The following CNNM2 variants were observed in gnomAD, a reference collection of about 807,000 sequenced individuals.
The protein encoded by CNNM2 is metal transporter CNNM2.
CNNM2 carries 12 observed loss-of-function variants against 66.9 expected under a neutral mutation model. That is an observed-to-expected ratio of 0.18 (90% CI 0.11 to 0.29). The LOEUF (loss-of-function observed/expected upper bound fraction) is 0.29, where lower values mean the gene tolerates loss of function less well. Ranked by LOEUF, CNNM2 falls within the 10% of genes least tolerant of loss-of-function variation. The pLI, the probability that CNNM2 is intolerant of heterozygous loss-of-function variation, is 1.00. For synonymous variants in CNNM2, 557 were observed against 501.8 expected, an observed-to-expected ratio of 1.11 and a Z score of -1.47; for missense variants, 705 against 1,167.7, an observed-to-expected ratio of 0.60 and a Z score of 5.77.
intron 1 of CNNM2, among the ~76,000 whole-genome samples, chr10:102,974,982 G>T (rs890904613): frequency 6.6e-6 from 1 of 152,194 alleles, no homozygotes; most frequent in Admixed American, 6.5e-5. Flanking sequence ...GGCATGGGAA[G>T]CCCATAATTA....
chr10:102,937,418 T>A (rs559224133), intron 1 of CNNM2, among the ~76,000 whole-genome samples: 2 of 152,348 alleles, frequency 1.3e-5, no homozygotes, highest in South Asian at 4.1e-4. Flanking sequence ...CAACTAGATC[T>A]GTACTTTTAA....
Position 102,918,729 on chromosome 10 carries a change from C to T in CNNM2, c.249C>T (p.Asn83=). ...VIIGLRLEDT[N]DVSFMEGGAL... is the part of the protein sequence containing the mutation. ...TCGGGCTGCGACTGGAGGACACGAA[C>T]GACGTGTCGTTCATGGAAGGGGGGG... is the stretch of plus-strand genomic sequence containing the variant. Residue 83 remains asparagine (N), a synonymous_variant, in exon 1 of 8, where the codon AAC becomes AAT. Transcript: ENST00000369878. The surrounding 1 kb of genome is among the most constrained non-coding windows in gnomAD (Gnocchi z 4.1). 1.9e-6 allele frequency: 3 copies of T among 1,577,950 alleles called. No individual in the cohort carries two copies. The highest frequency in any genetic ancestry group is 1.7e-6 in the Non-Finnish European group (2 of 1,162,758).
intron 6 of CNNM2, among the ~76,000 whole-genome samples, chr10:103,073,162 C>T (rs1423414899): frequency 6.6e-6 from 1 of 152,184 alleles, no homozygotes; most frequent in Non-Finnish European, 1.5e-5. Flanking sequence ...GGCCATGGGG[C>T]CAGGCATCAG....
At chr10:103,027,948 A>G (rs1286528482) in intron 1 of CNNM2, among the ~76,000 whole-genome samples, 1 of 151,402 alleles carries the variant, frequency 6.6e-6, no homozygotes, top group African/African-American at 2.4e-5. Flanking sequence ...TCAGTCACAC[A>G]GGTAGTATGT....
In CNNM2 at chr10:103,081,384, A is replaced by G. The variant is rs956818219; in HGVS notation, c.*4204A>G. 8.5e-5 allele frequency: 13 copies of G among 152,164 alleles called. No homozygotes were observed. Among genetic ancestry groups the G allele is most frequent in the Admixed American group, 7.2e-4 (11 of 15,272 alleles). The allele number at this position is 152,164 out of a possible 1,614,324, so 9.4% of individuals were successfully genotyped here. ...AGGCTAGTGGTGCTTCTGTCCATCA[A>G]GGGTATCTGGGTGAGTTGTAGGTTA... On this transcript the variant is annotated 3_prime_UTR_variant, in exon 8 of 8. Coordinates refer to ENST00000369878, the MANE Select transcript of CNNM2 (RefSeq NM_017649.5).
Position 103,077,355 on chromosome 10 carries a change from A to T in CNNM2, c.*175A>T. 1.7e-6 allele frequency: 1 copy of T among 591,942 alleles called. No individual in the cohort carries two copies. 36.7% of individuals were successfully genotyped at this position (591,942 alleles called of 1,614,324 possible). On this transcript the variant is annotated 3_prime_UTR_variant, in exon 8 of 8. Transcript: ENST00000369878. ...CGCGGAGGAGGACAGTGAGGGAGGA[A>T]TGGAAACGAGAGATGTGAAGTTGGC... is the stretch of plus-strand genomic sequence containing the variant.
At chr10:102,934,196 A>T (rs183448132) in intron 1 of CNNM2, among the ~76,000 whole-genome samples, 32 of 152,064 alleles carry the variant, frequency 2.1e-4, no homozygotes, top group South Asian at 1.7e-3. Context: ...AATAGGTTGT[A>T]TAAAATGTCA....
chr10:103,003,833 A>G (rs535972109), intron 1 of CNNM2, among the ~76,000 whole-genome samples: 1 of 152,066 alleles, frequency 6.6e-6, no homozygotes, highest in Non-Finnish European at 1.5e-5. Context: ...CTGTCCTGAC[A>G]TTAACATCAA....
Position 103,077,898 on chromosome 10 carries a change from C to A in CNNM2, c.*718C>A, listed in dbSNP as rs1169332125. 2.0e-5 allele frequency: 3 copies of A among 152,618 alleles called. No individual in the cohort carries two copies. Among genetic ancestry groups the A allele is most frequent in the Non-Finnish European group, 4.4e-5 (3 of 68,032 alleles). The allele number at this position is 152,618 out of a possible 1,614,324, so 9.5% of individuals were successfully genotyped here. A position where few individuals can be genotyped will look rare whatever the true frequency, so the allele number is the denominator to read the frequency against. On this transcript the variant is annotated 3_prime_UTR_variant, in exon 8 of 8. Coordinates refer to ENST00000369878, the MANE Select transcript of CNNM2 (RefSeq NM_017649.5). Reference sequence around the variant, plus strand: ...TTGCTTGGGAATGTGATTTTGCTCCCACCCTAAGGAATTTTTATCACCAAA... The same window carrying A: ...TTGCTTGGGAATGTGATTTTGCTCCAACCCTAAGGAATTTTTATCACCAAA...
chr10:103,022,265 A>T (rs1202060793), intron 1 of CNNM2, among the ~76,000 whole-genome samples: 1 of 152,218 alleles, frequency 6.6e-6, no homozygotes, highest in Non-Finnish European at 1.5e-5. Flanking sequence ...GTTAGTCATT[A>T]TTTCATATGC....
intron 1 of CNNM2, among the ~76,000 whole-genome samples, chr10:102,952,622 C>CAAAA (rs35818455): frequency 1.6e-5 from 2 of 127,092 alleles, no homozygotes; most frequent in African/African-American, 3.0e-5. Context: ...CTGTCTCTAC[C>CAAAA]AAAAAAAAAA....
rs2065759195 is a variant in CNNM2, at chr10:103,081,702, A to G, written c.*4522A>G. 1 of 152,158 alleles carries G rather than the reference A, an allele frequency of 6.6e-6. No homozygotes were observed. Among genetic ancestry groups the G allele is most frequent in the Non-Finnish European group, 1.5e-5 (1 of 68,034 alleles). 9.4% of individuals were successfully genotyped at this position (152,158 alleles called of 1,614,324 possible). On this transcript the variant is annotated 3_prime_UTR_variant, in exon 8 of 8. Coordinates refer to ENST00000369878, the MANE Select transcript of CNNM2 (RefSeq NM_017649.5). ...GACAAGTAGGCCTTCCTCCTCTAGC[A>G]CTTGCAAGCTTTCTGTCTGCGATCA...
At chr10:102,984,781 G>A (rs553877985) in intron 1 of CNNM2, among the ~76,000 whole-genome samples, 1 of 152,110 alleles carries the variant, frequency 6.6e-6, no homozygotes, top group African/African-American at 2.4e-5. Flanking sequence ...CAAGTAGCTG[G>A]GACTACAGGC....
At chr10:102,989,883 T>C (rs570330616) in intron 1 of CNNM2, among the ~76,000 whole-genome samples, 55 of 152,218 alleles carry the variant, frequency 3.6e-4, no homozygotes, top group Non-Finnish European at 1.5e-4. Context: ...TAAAGATGAT[T>C]AGTGATTGTA....
At position 102,919,074 on chromosome 10, in the gene CNNM2, C is replaced by T; in HGVS notation, c.594C>T (p.Pro198=). The change falls in exon 1 of 8, where the codon CCC becomes CCT. Residue 198 remains proline (P), a synonymous_variant. Coordinates refer to ENST00000369878, the MANE Select transcript of CNNM2 (RefSeq NM_017649.5). The stretch of plus-strand genomic sequence containing the variant: ...ACCTGTGCACGTCGCTCTCCACGCC[C>T]GCCCTGGGCGCCGGCGGCTCGGGGT... ...SYYLCTSLST[P]ALGAGGSGST... The T allele has an allele frequency of 1.9e-6, 3 of 1,612,100 alleles. No individual in the cohort carries two copies. The highest frequency in any genetic ancestry group is 2.2e-5 in the South Asian group (2 of 91,064).
chr10:103,035,549 C>A (rs1040850817), intron 1 of CNNM2, among the ~76,000 whole-genome samples: 2 of 152,198 alleles, frequency 1.3e-5, no homozygotes, highest in African/African-American at 2.4e-5. Context: ...GGAAAAAACT[C>A]TTCAGTCTCT....
chr10:102,927,309 A>C, intron 1 of CNNM2: 1 of 1,612,826 alleles, frequency 6.2e-7, no homozygotes, highest in Non-Finnish European at 8.5e-7. Context: ...CAGTTTTTTA[A>C]AGTATTGTCT....
intron 1 of CNNM2, among the ~76,000 whole-genome samples, chr10:102,925,616 C>T (rs1845834187): frequency 6.6e-6 from 1 of 152,186 alleles, no homozygotes. Context: ...TCTTCCTGCT[C>T]CAGCAGGCTG....
Position 103,054,592 on chromosome 10 carries a change from G to T in CNNM2, c.1903+126G>T. The stretch of plus-strand genomic sequence containing the variant: ...GGGTGATAAGTAATGCCACTTTTGT[G>T]TTTTGTTTTTTTTGTTTTTTTGTTT... On this transcript the variant is annotated intron_variant, in intron 3 of 7. Transcript: ENST00000369878. The surrounding 1 kb of genome is among the most constrained non-coding windows in gnomAD (Gnocchi z 5.2). The T allele has an allele frequency of 9.6e-6, 8 of 832,120 alleles. No homozygotes were observed. The highest frequency in any genetic ancestry group is 9.4e-5 in the East Asian group (2 of 21,360). The allele number at this position is 832,120 out of a possible 1,614,324, so 51.5% of individuals were successfully genotyped here.
Sources: allele counts gnomAD v4.1 joint callset (sites outside exome capture counted in the v4.1 genomes callset), GRCh38; gene constraint gnomAD v4.1.1; non-coding constraint Gnocchi (gnomAD v3.1); transcripts MANE v1.5; gene names NCBI Gene and HGNC (gene_info 2026-07-23, HGNC 2026-07-21).